IQCM: variants seen among roughly 807,000 people sequenced by gnomAD.
IQCM encodes IQ motif containing M.
IQCM carries 45 observed loss-of-function variants against 57.6 expected under a neutral mutation model. The ratio of observed to expected loss-of-function variants is 0.78; its 90% CI spans 0.62 to 1.00. IQCM has a LOEUF of 1.00. Among genes scored for constraint, IQCM ranks in the 50% least tolerant of loss-of-function variants. The pLI is 0.00. For synonymous variants in IQCM, 148 were observed against 158.9 expected, an observed-to-expected ratio of 0.93 and a Z score of 0.51; for missense variants, 468 against 511.6, an observed-to-expected ratio of 0.91 and a Z score of 0.82.
chr4:149,435,572 T>TAAAA (rs112641970), intron 12 of IQCM, among the ~76,000 whole-genome samples: 2,237 of 139,772 alleles, frequency 0.016, 66 homozygotes, highest in African/African-American at 0.055. Context: ...TTCTACTTAT[T>TAAAA]AAAAAAAAAA....
chr4:149,453,460 T>C (rs1737352505), intron 12 of IQCM, among the ~76,000 whole-genome samples: 1 of 151,856 alleles, frequency 6.6e-6, no homozygotes, highest in African/African-American at 2.4e-5. Flanking sequence ...AGAAAATATC[T>C]GCAAATCTTA....
rs114048381 is a variant in IQCM at position 149,736,767 on chromosome 4, G to T, written c.38-1309C>A. On this transcript the variant is annotated intron_variant, in intron 3 of 13. Transcript: ENST00000636793. ...AATGTAAAATAGCATAATCAGTTTGGAAAAGGTATGGCAATCTCTTTTAAA... is the reference window on the plus strand; with the variant it reads ...AATGTAAAATAGCATAATCAGTTTGTAAAAGGTATGGCAATCTCTTTTAAA... Among the ~76,000 whole-genome samples the T allele has an allele frequency of 8.4e-3, 1,282 of 152,234 alleles. 14 individuals carry two copies. The highest frequency in any genetic ancestry group is 0.029 in the African/African-American group (1,214 of 41,536).
intron 13 of IQCM, among the ~76,000 whole-genome samples, chr4:149,409,468 G>C (rs1038805186): frequency 2.6e-5 from 4 of 152,122 alleles, no homozygotes; most frequent in African/African-American, 9.7e-5. Flanking sequence ...GAAATCACGG[G>C]GCTGCTTTTG....
intron 5 of IQCM, among the ~76,000 whole-genome samples, chr4:149,717,987 A>G (rs897042284): frequency 6.6e-6 from 1 of 152,194 alleles, no homozygotes; most frequent in Non-Finnish European, 1.5e-5. Context: ...AGGAATTTGT[A>G]TCCATGGGGA....
At chr4:149,575,194 T>C (rs2149969761) in intron 9 of IQCM, among the ~76,000 whole-genome samples, 1 of 152,088 alleles carries the variant, frequency 6.6e-6, no homozygotes, top group South Asian at 2.1e-4. Flanking sequence ...TGAAAGTAAC[T>C]TGGGTAATGA....
At chr4:149,778,829 T>C (rs1561265524) in intron 2 of IQCM, among the ~76,000 whole-genome samples, 2 of 152,146 alleles carry the variant, frequency 1.3e-5, no homozygotes, top group Non-Finnish European at 2.9e-5. Flanking sequence ...CTTATAATTA[T>C]TAGATAAATA....
intron 8 of IQCM, among the ~76,000 whole-genome samples, chr4:149,591,477 G>A (rs996270841): frequency 1.3e-5 from 2 of 151,362 alleles, no homozygotes; most frequent in Non-Finnish European, 2.9e-5. Context: ...AATACTTTAA[G>A]TTCTAGGGTA....
chr4:149,517,282 T>C (rs1436630617), intron 12 of IQCM, among the ~76,000 whole-genome samples: 1 of 152,212 alleles, frequency 6.6e-6, no homozygotes, highest in Non-Finnish European at 1.5e-5. Context: ...CTTCTTTTGT[T>C]AAAAACATGT....
intron 13 of IQCM, among the ~76,000 whole-genome samples, chr4:149,424,146 G>T (rs895119297): frequency 1.2e-4 from 18 of 151,738 alleles, no homozygotes; most frequent in African/African-American, 4.4e-4. Context: ...AAAGCTTACA[G>T]AACTATCAGA....
chr4:149,523,461 T>C (rs1438658110), intron 12 of IQCM, among the ~76,000 whole-genome samples: 1 of 152,100 alleles, frequency 6.6e-6, no homozygotes, highest in African/African-American at 2.4e-5. Context: ...AGTTCACATG[T>C]CACATAAAAG....
At chr4:149,506,420 A>G (rs1743820216) in intron 12 of IQCM, among the ~76,000 whole-genome samples, 1 of 152,212 alleles carries the variant, frequency 6.6e-6, no homozygotes, top group Non-Finnish European at 1.5e-5. Flanking sequence ...AGAGTGCAAC[A>G]AGAGTAAAAT....
chr4:149,464,079 C>T (rs1738587634), intron 12 of IQCM, among the ~76,000 whole-genome samples: 1 of 152,112 alleles, frequency 6.6e-6, no homozygotes, highest in Admixed American at 6.6e-5. Context: ...AATTATAAAG[C>T]TTTGTGGTAT....
At chr4:149,419,057 C>T (rs1733948521) in intron 13 of IQCM, among the ~76,000 whole-genome samples, 1 of 152,092 alleles carries the variant, frequency 6.6e-6, no homozygotes, top group African/African-American at 2.4e-5. Context: ...TGAAAGTGGC[C>T]ATACTGCCCA....
chr4:149,579,896 A>C (rs1265737742), intron 9 of IQCM, among the ~76,000 whole-genome samples: 1 of 151,782 alleles, frequency 6.6e-6, no homozygotes, highest in Non-Finnish European at 1.5e-5. Flanking sequence ...TAGCTCTATT[A>C]ACTAGCTAGT....
At chr4:149,800,952 G>A (rs1308280462) in intron 2 of IQCM, among the ~76,000 whole-genome samples, 1 of 151,680 alleles carries the variant, frequency 6.6e-6, no homozygotes, top group Non-Finnish European at 1.5e-5. Context: ...AAATACCAAT[G>A]ACATTCTTCA....
intron 2 of IQCM, among the ~76,000 whole-genome samples, chr4:149,806,105 T>C (rs1774056214): frequency 1.3e-5 from 2 of 151,680 alleles, no homozygotes; most frequent in African/African-American, 4.8e-5. Context: ...TGTCAAAATA[T>C]GCAAAGAATT....
chr4:149,374,829 G>T (rs1730594682), intron 13 of IQCM, among the ~76,000 whole-genome samples: 1 of 151,992 alleles, frequency 6.6e-6, no homozygotes, highest in Non-Finnish European at 1.5e-5. Flanking sequence ...TGCCTTGGAT[G>T]TTATGTTTCA....
chr4:149,468,271 C>T (rs1739089524), intron 12 of IQCM, among the ~76,000 whole-genome samples: 1 of 152,104 alleles, frequency 6.6e-6, no homozygotes, highest in East Asian at 1.9e-4. Flanking sequence ...CAGGACACGC[C>T]CACCCTAATA....
intron 7 of IQCM, among the ~76,000 whole-genome samples, chr4:149,637,062 G>A (rs1247367370): frequency 6.7e-6 from 1 of 149,082 alleles, no homozygotes; most frequent in Admixed American, 6.7e-5. Context: ...AGAATGGCGT[G>A]AACCCGGGAA....
Sources: gnomAD v4.1 joint callset for allele counts (sites outside exome capture counted in the v4.1 genomes callset) on GRCh38, gnomAD v4.1.1 for gene constraint, MANE v1.5 for transcripts, NCBI Gene and HGNC (gene_info 2026-07-23, HGNC 2026-07-21) for gene names.